VPS13B: variants seen among roughly 807,000 people sequenced by gnomAD.
VPS13B encodes the protein vacuolar protein sorting 13 homolog B, also known as intermembrane lipid transfer protein VPS13B.
Under a neutral mutation model 426.4 loss-of-function variants are expected in VPS13B, and 285 were observed. That is an observed-to-expected ratio of 0.67 (90% CI 0.61 to 0.74). The LOEUF (loss-of-function observed/expected upper bound fraction) is 0.74. VPS13B is among the 30% of genes least tolerant of loss of function. The pLI, the probability that VPS13B is intolerant of heterozygous loss-of-function variation, is 0.00. For synonymous variants in VPS13B, 1,676 were observed against 1,676.4 expected, an observed-to-expected ratio of 1.00 and a Z score of 0.01; for missense variants, 4,537 against 4,782.6, an observed-to-expected ratio of 0.95 and a Z score of 1.51.
intron 33 of VPS13B, among the ~76,000 whole-genome samples, chr8:99,610,677 G>A (rs1588548141): frequency 6.6e-6 from 1 of 152,044 alleles, no homozygotes; most frequent in Non-Finnish European, 1.5e-5. Flanking sequence ...CATGTCACAT[G>A]TATACCTATA....
At chr8:99,385,535 T>C (rs1347189937) in intron 20 of VPS13B, among the ~76,000 whole-genome samples, 7 of 152,228 alleles carry the variant, frequency 4.6e-5, no homozygotes, top group Admixed American at 4.6e-4. Context: ...CATTTTTCCT[T>C]TTAATGAGTA....
intron 23 of VPS13B, among the ~76,000 whole-genome samples, chr8:99,457,183 C>G (rs761401709): frequency 9.2e-5 from 14 of 152,040 alleles, no homozygotes; most frequent in Non-Finnish European, 1.8e-4. Context: ...AGGCGCCCAC[C>G]AACATGCCCG....
intron 35 of VPS13B, among the ~76,000 whole-genome samples, chr8:99,682,341 A>C (rs1247506480): frequency 6.6e-6 from 1 of 152,198 alleles, no homozygotes; most frequent in Non-Finnish European, 1.5e-5. Flanking sequence ...TGGTGCATGC[A>C]TGTAATCCCA....
chr8:99,219,872 G>C (rs1482845803), intron 17 of VPS13B, among the ~76,000 whole-genome samples: 1 of 152,170 alleles, frequency 6.6e-6, no homozygotes, highest in East Asian at 1.9e-4. Context: ...AAATTCAAAA[G>C]CTTCTGGGTG....
chr8:99,593,246 C>T (rs1391463866), intron 33 of VPS13B, among the ~76,000 whole-genome samples: 1 of 151,832 alleles, frequency 6.6e-6, no homozygotes, highest in Non-Finnish European at 1.5e-5. Context: ...AAAAAGTGGG[C>T]CAAAGACGTG....
chr8:99,367,915 A>G (rs1313057714), intron 19 of VPS13B, among the ~76,000 whole-genome samples: 2 of 152,250 alleles, frequency 1.3e-5, no homozygotes, highest in South Asian at 2.1e-4. Context: ...TGGCCTCCCA[A>G]AGTGCTGGGA....
intron 55 of VPS13B, among the ~76,000 whole-genome samples, chr8:99,853,053 G>A (rs2130915248): frequency 6.6e-6 from 1 of 152,258 alleles, no homozygotes; most frequent in East Asian, 1.9e-4. Context: ...AGTTGTGGCA[G>A]GAATTCCTGC....
chr8:99,712,291 T>C (rs1832734925), intron 36 of VPS13B, among the ~76,000 whole-genome samples: 1 of 152,206 alleles, frequency 6.6e-6, no homozygotes, highest in Admixed American at 6.5e-5. Context: ...CTGCCAGCAG[T>C]TCCAAGGCCT....
At chr8:99,119,798 G>A (rs1204281694) in intron 7 of VPS13B, among the ~76,000 whole-genome samples, 1 of 152,078 alleles carries the variant, frequency 6.6e-6, no homozygotes, top group Non-Finnish European at 1.5e-5. Context: ...ATTTAAAGGA[G>A]TATGTGTATT....
chr8:99,055,628 A>G (rs1447373833), intron 3 of VPS13B, among the ~76,000 whole-genome samples: 1 of 151,988 alleles, frequency 6.6e-6, no homozygotes, highest in Admixed American at 6.6e-5. Context: ...TAGGTATATT[A>G]TTATTTTGGG....
At chr8:99,687,425 C>A (rs1370573438) in intron 35 of VPS13B, among the ~76,000 whole-genome samples, 1 of 152,008 alleles carries the variant, frequency 6.6e-6, no homozygotes, top group Non-Finnish European at 1.5e-5. Flanking sequence ...AATTGCAGTT[C>A]TTGTGGCCTA....
chr8:99,839,438 G>T (rs907679998), intron 54 of VPS13B, among the ~76,000 whole-genome samples: 56 of 152,264 alleles, frequency 3.7e-4, no homozygotes, highest in African/African-American at 1.3e-3. Context: ...TGCCTTCAAA[G>T]ACTTGAATAA....
chr8:99,839,150 C>T (rs1815545398), intron 54 of VPS13B, among the ~76,000 whole-genome samples: 1 of 152,142 alleles, frequency 6.6e-6, no homozygotes, highest in Non-Finnish European at 1.5e-5. Context: ...TAAAATGACC[C>T]CTTTGCAGGT....
In VPS13B at chr8:99,111,185, T is replaced by A; in HGVS notation, c.668T>A (p.Phe223Tyr). Residue 223 changes from phenylalanine (F) to tyrosine (Y), a missense_variant, in exon 6 of 62, where the codon TTT becomes TAT. By Grantham distance (22) the Phe-to-Tyr change is conservative. Coordinates refer to ENST00000357162, the MANE Select transcript of VPS13B (RefSeq NM_152564.5). ...CGGAATGCCAGTGGTAAAATAGAAT[T>A]TTACCAGGATCCTTTATTATACAAA... ...DKRNASGKIE[F>Y]YQDPLLYKCS... 6.2e-7 allele frequency: 1 copy of A among 1,600,668 alleles called. No individual in the cohort carries two copies. Among genetic ancestry groups the A allele is most frequent in the Non-Finnish European group, 8.5e-7 (1 of 1,173,454 alleles).
chr8:99,735,585 A>G (rs1389334221), intron 39 of VPS13B, among the ~76,000 whole-genome samples: 1 of 152,234 alleles, frequency 6.6e-6, no homozygotes, highest in Non-Finnish European at 1.5e-5. Flanking sequence ...CAGAGGGAAT[A>G]TGGCCCTACT....
chr8:99,159,159 T>C (rs1811513605), intron 15 of VPS13B, among the ~76,000 whole-genome samples: 1 of 152,146 alleles, frequency 6.6e-6, no homozygotes, highest in Non-Finnish European at 1.5e-5. Flanking sequence ...GTGATGGAAA[T>C]AGCAAGAGAA....
At chr8:99,416,260 C>G (rs1014642218) in intron 21 of VPS13B, among the ~76,000 whole-genome samples, 4 of 152,100 alleles carry the variant, frequency 2.6e-5, no homozygotes, top group African/African-American at 9.7e-5. Context: ...GTGGATGCCC[C>G]CGCCCCCCCA....
chr8:99,137,030 A>C (rs1005296145), intron 12 of VPS13B, among the ~76,000 whole-genome samples: 1 of 152,242 alleles, frequency 6.6e-6, no homozygotes, highest in East Asian at 1.9e-4. Flanking sequence ...ATCAAATTTT[A>C]TATTACATTA....
At position 99,853,467 on chromosome 8, in the gene VPS13B, G is replaced by T. The variant is rs1563509454; in HGVS notation, c.10078G>T (p.Val3360Phe). 1 of 1,614,186 alleles carries T rather than the reference G, an allele frequency of 6.2e-7. No individual in the cohort carries two copies. The highest frequency in any genetic ancestry group is 1.7e-5 in the Admixed American group (1 of 60,028). ...TNTNRAPEKIVTFKMFITQLS... is the reference protein window; with the variant it reads ...TNTNRAPEKIFTFKMFITQLS... Reference sequence around the variant, plus strand: ...CTCCTCTAGAGCGCCAGAGAAGATTGTTACATTTAAAATGTTCATCACTCA... The same window carrying T: ...CTCCTCTAGAGCGCCAGAGAAGATTTTTACATTTAAAATGTTCATCACTCA... The change falls in exon 56 of 62, where the codon GTT becomes TTT. Residue 3360 changes from valine (V) to phenylalanine (F), a missense_variant. Transcript: ENST00000357162.
Sources: allele counts gnomAD v4.1 joint callset (sites outside exome capture counted in the v4.1 genomes callset), GRCh38; gene constraint gnomAD v4.1.1; transcripts MANE v1.5; gene names NCBI Gene and HGNC (gene_info 2026-07-23, HGNC 2026-07-21).